The following IQCM variants were observed in gnomAD, a reference collection of about 807,000 sequenced individuals.
IQCM encodes the protein IQ motif containing M.
In IQCM, 45 loss-of-function variants were observed where a neutral mutation model predicts 57.6. The ratio of observed to expected loss-of-function variants is 0.78; its 90% CI spans 0.62 to 1.00. The LOEUF is 1.00. IQCM is among the 50% of genes least tolerant of loss of function. The pLI is 0.00. For missense variants in IQCM, 468 were observed against 511.6 expected (o/e 0.91, Z 0.82); for synonymous variants, 148 against 158.9 (o/e 0.93, Z 0.51).
chr4:149,770,013 A>G (rs1770420894), intron 2 of IQCM, among the ~76,000 whole-genome samples: 1 of 152,010 alleles, frequency 6.6e-6, no homozygotes, highest in African/African-American at 2.4e-5. Context: ...AAATCAACAA[A>G]AAAGAAAAAA....
In IQCM at chr4:149,573,395, C is replaced by T. The variant is rs551710909; in HGVS notation, c.750-9505G>A. On this transcript the variant is annotated intron_variant, in intron 9 of 13. Transcript: ENST00000636793. ...CTTCCTTCAAAGATTGTTTCATTGACTCCTTCAGTAAAACTGATGCAAATT... is the reference window on the plus strand; with the variant it reads ...CTTCCTTCAAAGATTGTTTCATTGATTCCTTCAGTAAAACTGATGCAAATT... Among the ~76,000 whole-genome samples, 6 of 151,880 alleles carry T rather than the reference C, an allele frequency of 4.0e-5. No individual in the cohort carries two copies. In the South Asian group the frequency reaches 1.2e-3, roughly 31 times the overall value.
intron 13 of IQCM, among the ~76,000 whole-genome samples, chr4:149,355,139 ATAT>A (rs951155769): frequency 3.7e-4 from 57 of 152,150 alleles, no homozygotes; most frequent in Admixed American, 2.2e-3. Context: ...GGCAATTATA[ATAT>A]TATTATTTCA....
intron 13 of IQCM, among the ~76,000 whole-genome samples, chr4:149,419,537 C>T (rs1406674903): frequency 6.6e-6 from 1 of 152,114 alleles, no homozygotes; most frequent in Middle Eastern, 3.4e-3. Flanking sequence ...ACTATAAAAA[C>T]CCTGGAAGAA....
At chr4:149,791,254 T>C (rs1217360089) in intron 2 of IQCM, among the ~76,000 whole-genome samples, 1 of 152,138 alleles carries the variant, frequency 6.6e-6, no homozygotes, top group Non-Finnish European at 1.5e-5. Context: ...ATCTTTTTTA[T>C]TGACTCTCAT....
At chr4:149,413,024 C>T (rs534588744) in intron 13 of IQCM, among the ~76,000 whole-genome samples, 1 of 152,248 alleles carries the variant, frequency 6.6e-6, no homozygotes, top group South Asian at 2.1e-4. Flanking sequence ...TATTGTTCAC[C>T]TCCATTAGCA....
intron 7 of IQCM, among the ~76,000 whole-genome samples, chr4:149,669,790 T>C (rs1300439268): frequency 2.0e-5 from 3 of 152,068 alleles, no homozygotes; most frequent in Non-Finnish European, 4.4e-5. Flanking sequence ...CGGTTGTAGG[T>C]GTGTGGTATT....
At chr4:149,564,345 T>G (rs762502001) in intron 9 of IQCM, among the ~76,000 whole-genome samples, 2 of 152,158 alleles carry the variant, frequency 1.3e-5, no homozygotes, top group Non-Finnish European at 2.9e-5. Flanking sequence ...CTCTGTACTA[T>G]GGTGGTAGGA....
chr4:149,576,788 AGTTT>A (rs1263439639), intron 9 of IQCM, among the ~76,000 whole-genome samples: 3 of 151,818 alleles, frequency 2.0e-5, no homozygotes, highest in Non-Finnish European at 4.4e-5. Flanking sequence ...ATTGAATGAT[AGTTT>A]AAGTTCTCTG....
At chr4:149,756,710 A>G (rs969517853) in intron 2 of IQCM, among the ~76,000 whole-genome samples, 1 of 152,194 alleles carries the variant, frequency 6.6e-6, no homozygotes, top group Admixed American at 6.5e-5. Context: ...ATGTAGAACT[A>G]AAATTTTAAA....
intron 7 of IQCM, among the ~76,000 whole-genome samples, chr4:149,634,917 G>A (rs929851632): frequency 6.6e-6 from 1 of 152,176 alleles, no homozygotes; most frequent in South Asian, 2.1e-4. Flanking sequence ...TTGGATGGGT[G>A]CATGGATAAA....
intron 2 of IQCM, chr4:149,793,856 C>T (rs1323396514): frequency 6.6e-6 from 1 of 152,244 alleles, no homozygotes; most frequent in Non-Finnish European, 1.5e-5. Context: ...ATGCATGCTA[C>T]TGCTCAGGCA....
chr4:149,428,755 T>C (rs1001821661), intron 13 of IQCM, among the ~76,000 whole-genome samples: 8 of 151,724 alleles, frequency 5.3e-5, no homozygotes, highest in African/African-American at 1.7e-4. Context: ...GCGTAAAAAA[T>C]ACCTTGTACT....
chr4:149,446,797 G>T (rs766114875), intron 12 of IQCM, among the ~76,000 whole-genome samples: 11 of 151,392 alleles, frequency 7.3e-5, no homozygotes, highest in Admixed American at 2.6e-4. Context: ...ATTCCTTAAG[G>T]ATAGTCAGAA....
At chr4:149,676,174 G>A (rs1761733462) in intron 7 of IQCM, among the ~76,000 whole-genome samples, 1 of 152,044 alleles carries the variant, frequency 6.6e-6, no homozygotes, top group South Asian at 2.1e-4. Flanking sequence ...GCAAAAGGCA[G>A]AGTCAAGGTC....
At chr4:149,620,118 T>C (rs1179166308) in intron 8 of IQCM, among the ~76,000 whole-genome samples, 1 of 151,590 alleles carries the variant, frequency 6.6e-6, no homozygotes, top group Non-Finnish European at 1.5e-5. Flanking sequence ...GATCACACCA[T>C]TACACTCTAG....
intron 5 of IQCM, among the ~76,000 whole-genome samples, chr4:149,716,123 T>A (rs763321438): frequency 3.3e-5 from 5 of 152,198 alleles, no homozygotes; most frequent in Admixed American, 1.3e-4. Context: ...GTCTGCCTCC[T>A]GCTGCCATCA....
chr4:149,511,202 C>T lies in IQCM; in HGVS notation c.1228+37253G>A, dbSNP rs552119661. ...TTAAATCTTATTCTTTCTTCAGATACCAACTTACATATCACTTTTTAAAAT... is the reference window on the plus strand; with the variant it reads ...TTAAATCTTATTCTTTCTTCAGATATCAACTTACATATCACTTTTTAAAAT... On this transcript the variant is annotated intron_variant, in intron 12 of 13. Coordinates refer to ENST00000636793, the MANE Select transcript of IQCM (RefSeq NM_001363507.2). Among the ~76,000 whole-genome samples, 74 of 152,192 alleles carry T rather than the reference C, an allele frequency of 4.9e-4. 1 individual carries two copies. The South Asian group carries it at 0.015, about 32-fold the overall frequency.
chr4:149,379,211 T>G (rs1560787723), intron 13 of IQCM, among the ~76,000 whole-genome samples: 1 of 152,210 alleles, frequency 6.6e-6, no homozygotes, highest in East Asian at 1.9e-4. Context: ...GGCAGTGCAG[T>G]AGGGAAATGT....
intron 13 of IQCM, among the ~76,000 whole-genome samples, chr4:149,411,414 T>C (rs1412008398): frequency 6.6e-6 from 1 of 152,198 alleles, no homozygotes; most frequent in Non-Finnish European, 1.5e-5. Context: ...CTAACATTTT[T>C]TGAGTGCTCA....
Sources: gnomAD v4.1 joint callset for allele counts (sites outside exome capture counted in the v4.1 genomes callset) on GRCh38, gnomAD v4.1.1 for gene constraint, MANE v1.5 for transcripts, NCBI Gene and HGNC (gene_info 2026-07-23, HGNC 2026-07-21) for gene names.